The following PBLD variants were observed in gnomAD, a reference collection of about 807,000 sequenced individuals.
PBLD encodes the protein phenazine biosynthesis like protein domain containing, also known as phenazine biosynthesis-like domain-containing protein.
In PBLD, 26 loss-of-function variants were observed where a neutral mutation model predicts 31.3. The ratio of observed to expected loss-of-function variants is 0.83; its 90% CI spans 0.61 to 1.15. The LOEUF (loss-of-function observed/expected upper bound fraction) is 1.15. Among genes scored for constraint, PBLD ranks in the 50% most tolerant of loss-of-function variants. PBLD has a pLI of 0.00. For synonymous variants in PBLD, 114 were observed against 129.0 expected (o/e 0.88, Z 0.79); for missense variants, 307 against 351.7 (o/e 0.87, Z 1.02).
intron 6 of PBLD, among the ~76,000 whole-genome samples, chr10:68,290,561 T>C (rs975922444): frequency 6.6e-6 from 1 of 151,834 alleles, no homozygotes; most frequent in Non-Finnish European, 1.5e-5. Context: ...CCACTAAAAA[T>C]ACAAAATTAG....
At chr10:68,285,275 A>C (rs770919771) in intron 9 of PBLD, 73 bp downstream of exon 9, 2 of 1,612,188 alleles carry the variant, frequency 1.2e-6, no homozygotes, top group South Asian at 2.2e-5. Context: ...TTTCAAGGGG[A>C]TAGTACATAT....
intron 1 of PBLD, among the ~76,000 whole-genome samples, chr10:68,311,751 CAAAAAAAAAA>C (rs987918906): frequency 1.7e-5 from 1 of 59,902 alleles, no homozygotes; most frequent in Non-Finnish European, 3.3e-5. Flanking sequence ...GACCCTGCCT[CAAAAAAAAAA>C]AAAAAAAAAA....
chr10:68,311,268 A>G (rs1353734975), intron 1 of PBLD, among the ~76,000 whole-genome samples: 1 of 151,850 alleles, frequency 6.6e-6, no homozygotes, highest in African/African-American at 2.4e-5. Flanking sequence ...ACATGGTGAA[A>G]CCCCATCTCT....
Position 68,283,924 on chromosome 10 carries a change from T to C in PBLD, c.*253A>G, listed in dbSNP as rs995874739. 1 of 304,264 alleles carries C rather than the reference T, an allele frequency of 3.3e-6. No homozygotes were observed. Among genetic ancestry groups the C allele is most frequent in the Non-Finnish European group, 6.2e-6 (1 of 160,306 alleles). The allele number at this position is 304,264 out of a possible 1,614,324, so 18.8% of individuals were successfully genotyped here. On this transcript the variant is annotated 3_prime_UTR_variant, in exon 10 of 10. Coordinates refer to ENST00000358769, the MANE Select transcript of PBLD (RefSeq NM_022129.4). The stretch of plus-strand genomic sequence containing the variant: ...ACCACACCCAGCTAATTTTTGTATT[T>C]GTAGTAGAGACGAGGTTTCACCATG...
chr10:68,301,687 T>C (rs757684750), intron 2 of PBLD, among the ~76,000 whole-genome samples: 1 of 152,198 alleles, frequency 6.6e-6, no homozygotes, highest in Non-Finnish European at 1.5e-5. Flanking sequence ...TATAGCTCCC[T>C]GTGACCTTTA....
intron 8 of PBLD, 44 bp from the exon 9 acceptor site, chr10:68,285,454 G>C (rs1400218574): frequency 6.4e-7 from 1 of 1,557,454 alleles, no homozygotes; most frequent in East Asian, 2.3e-5. Context: ...CAAGAAAACA[G>C]AGGCGATTTT....
chr10:68,296,375 GA>G lies in PBLD; in HGVS notation c.185-12del. ...GTCCAAAGCAGGAACCTGAGGATAG[GA>G]AAAGCCAAAGAGAGATGAGATCATT... On this transcript the variant is annotated splice_polypyrimidine_tract_variant and intron_variant, in intron 3 of 9. Coordinates refer to ENST00000358769, the MANE Select transcript of PBLD (RefSeq NM_022129.4). 1 of 1,595,890 alleles carries G rather than the reference GA, an allele frequency of 6.3e-7. No individual in the cohort carries two copies. The highest frequency in any genetic ancestry group is 1.7e-5 in the Admixed American group (1 of 59,512).
At chr10:68,310,364 A>AATAT (rs2044648841) in intron 1 of PBLD, among the ~76,000 whole-genome samples, 1 of 61,436 alleles carries the variant, frequency 1.6e-5, no homozygotes, top group African/African-American at 7.0e-5. Context: ...AATGTTTTGA[A>AATAT]GTATATATAT....
chr10:68,322,751 T>C (rs1300417340), intron 1 of PBLD, among the ~76,000 whole-genome samples: 1 of 152,058 alleles, frequency 6.6e-6, no homozygotes, highest in Non-Finnish European at 1.5e-5. Context: ...AAGATTTGTT[T>C]TGTTTTGTTT....
intron 9 of PBLD, chr10:68,284,957 A>C (rs1459887888): frequency 1.0e-6 from 1 of 982,568 alleles, no homozygotes; most frequent in Admixed American, 5.3e-5. Flanking sequence ...GCAATACATT[A>C]ATCACTAGGG....
At position 68,332,854 on chromosome 10, in the gene PBLD, G is replaced by A. The variant is rs1002498526; in HGVS notation, c.-130C>T. ...ATGAGAGAGGCTGGAGCTGGGGGAG[G>A]AAAGCCAATGGCGACGAAGGTGCTC... is the stretch of plus-strand genomic sequence containing the variant. On this transcript the variant is annotated 5_prime_UTR_variant, in exon 1 of 10. Transcript: ENST00000358769. The A allele has an allele frequency of 1.3e-5, 2 of 152,322 alleles. No individual in the cohort carries two copies. Among genetic ancestry groups the A allele is most frequent in the African/African-American group, 2.4e-5 (1 of 41,466 alleles). 9.4% of individuals were successfully genotyped at this position (152,322 alleles called of 1,614,324 possible).
intron 1 of PBLD, among the ~76,000 whole-genome samples, chr10:68,312,696 G>C (rs1165509949): frequency 7.7e-6 from 1 of 130,038 alleles, no homozygotes. Context: ...TGCAAGCTCC[G>C]CCTCCCGGGT....
At chr10:68,296,463 T>A in intron 3 of PBLD, 99 bp from the exon 4 acceptor site, 6 of 825,164 alleles carry the variant, frequency 7.3e-6, no homozygotes, top group East Asian at 5.3e-5. Flanking sequence ...TCTAGCATGA[T>A]GAGTAGCCAA....
At chr10:68,292,324 A>AT (rs2044370750) in intron 4 of PBLD, 86 bp from the exon 5 acceptor site, 3 of 1,167,552 alleles carry the variant, frequency 2.6e-6, no homozygotes, top group East Asian at 4.8e-5. Flanking sequence ...ATTGTCTTAG[A>AT]TTTTCTGGCA....
intron 1 of PBLD, among the ~76,000 whole-genome samples, chr10:68,321,924 C>A (rs10998067): frequency 2.0e-5 from 3 of 152,144 alleles, no homozygotes; most frequent in Admixed American, 6.6e-5. Context: ...TTCCAAATAG[C>A]TTATCTAGCT....
At chr10:68,303,693 C>G (rs1000377888) in intron 2 of PBLD, among the ~76,000 whole-genome samples, 9 of 152,034 alleles carry the variant, frequency 5.9e-5, no homozygotes, top group Non-Finnish European at 1.3e-4. Flanking sequence ...TTTTACTTTA[C>G]TTTCAGTAGT....
rs374164321 is a variant in PBLD, at chr10:68,306,749, C to G, written c.84+12G>C. The G allele has an allele frequency of 1.6e-5, 26 of 1,609,042 alleles. No individual in the cohort carries two copies. The African/African-American group carries it at 2.1e-4, about 13-fold the overall frequency. Reference sequence around the variant, plus strand: ...GAATTTCAGGTACTGTAATTCAAAACCAAGCACTTACATTTTCTAGGAGGC... The same window carrying G: ...GAATTTCAGGTACTGTAATTCAAAAGCAAGCACTTACATTTTCTAGGAGGC... On this transcript the variant is annotated intron_variant, in intron 2 of 9. Transcript: ENST00000358769.
At chr10:68,295,439 A>G (rs2044411493) in intron 4 of PBLD, among the ~76,000 whole-genome samples, 1 of 151,118 alleles carries the variant, frequency 6.6e-6, no homozygotes, top group East Asian at 2.0e-4. Flanking sequence ...GTTGCAGTGA[A>G]CTGATATCCT....
intron 1 of PBLD, among the ~76,000 whole-genome samples, chr10:68,309,569 G>C (rs2044633153): frequency 6.7e-6 from 1 of 149,638 alleles, no homozygotes; most frequent in Non-Finnish European, 1.5e-5. Flanking sequence ...TAGCACTTTG[G>C]GAGGCCGAGG....
Sources: gnomAD v4.1 joint callset for allele counts (sites outside exome capture counted in the v4.1 genomes callset) on GRCh38, gnomAD v4.1.1 for gene constraint, MANE v1.5 for transcripts, NCBI Gene and HGNC (gene_info 2026-07-23, HGNC 2026-07-21) for gene names.